ADGRB1: variants seen among roughly 807,000 people sequenced by gnomAD.
ADGRB1 encodes adhesion G protein-coupled receptor B1.
In ADGRB1, 36 loss-of-function variants were observed where a neutral mutation model predicts 175.7. The ratio of observed to expected loss-of-function variants is 0.20; its 90% CI spans 0.16 to 0.27. The LOEUF is 0.27. Among genes scored for constraint, ADGRB1 ranks in the 10% least tolerant of loss-of-function variants. The probability of loss-of-function intolerance (pLI) is 1.00; values close to 1 mark genes in which losing one functional copy is unlikely to be tolerated. For missense variants in ADGRB1, 1,731 were observed against 2,255.3 expected, an observed-to-expected ratio of 0.77 and a Z score of 4.71; for synonymous variants, 1,054 against 979.4, an observed-to-expected ratio of 1.08 and a Z score of -1.42.
In ADGRB1 at chr8:142,488,216, G is replaced by T. The variant is rs898858590; in HGVS notation, c.2309-148G>T. ...CTGGGGGCTGGGGCTGGGGCAGATG[G>T]CCCCCACACTCCTGCCTCTGAGCCA... On this transcript the variant is annotated intron_variant, in intron 13 of 30. Coordinates refer to ENST00000517894, the MANE Select transcript of ADGRB1 (RefSeq NM_001702.3). The T allele has an allele frequency of 5.7e-5, 64 of 1,114,632 alleles. No individual in the cohort carries two copies. In the East Asian group the frequency reaches 1.5e-3, roughly 27 times the overall value. The allele number at this position is 1,114,632 out of a possible 1,614,324, so 69.0% of individuals were successfully genotyped here.
Position 142,533,394 on chromosome 8 carries a change from G to A in ADGRB1, c.3498G>A (p.Gln1166=). ...CCGACCGCCGCTCCGCCCTCTTCCA[G>A]ATCCTCTTCGCTGTCTTCGACTCGC... The part of the protein sequence containing the change: ...AVTDRRSALF[Q]ILFAVFDSLE... Residue 1166 remains glutamine, a synonymous_variant, in exon 25 of 31, where the codon CAG becomes CAA. Coordinates refer to ENST00000517894, the MANE Select transcript of ADGRB1 (RefSeq NM_001702.3). 6.2e-7 allele frequency: 1 copy of A among 1,612,438 alleles called. No homozygotes were observed.
In ADGRB1 at chr8:142,464,465, G is replaced by A; in HGVS notation, c.267G>A (p.Ala89=). 6.3e-7 allele frequency: 1 copy of A among 1,580,072 alleles called. No homozygotes were observed. Residue 89 remains alanine, a synonymous_variant, in exon 2 of 31, where the codon GCG becomes GCA. Transcript: ENST00000517894. ...CTCTCTACATGAAGGTGGCCAAGGC[G>A]CCCGTGCCCTGCAGCGGCCCCGGCC... ...RYTLYMKVAK[A]PVPCSGPGRV...
intron 17 of ADGRB1, among the ~76,000 whole-genome samples, chr8:142,497,586 G>A (rs1563713517): frequency 6.6e-6 from 1 of 152,200 alleles, no homozygotes; most frequent in African/African-American, 2.4e-5. Flanking sequence ...TGATTGAGGA[G>A]GGAGGAGGAG....
intron 23 of ADGRB1, among the ~76,000 whole-genome samples, chr8:142,526,268 G>A (rs1844179292): frequency 6.6e-6 from 1 of 152,182 alleles, no homozygotes; most frequent in Non-Finnish European, 1.5e-5. Flanking sequence ...CCCTGTGGGT[G>A]GGGAGCTCGC....
chr8:142,520,430 T>TG (rs1563735942), intron 19 of ADGRB1, among the ~76,000 whole-genome samples: 4 of 17,144 alleles, frequency 2.3e-4, no homozygotes, highest in Non-Finnish European at 3.8e-4. Flanking sequence ...GTAATGATTG[T>TG]ATGATGATGG....
chr8:142,523,027 G>T (rs968482173), intron 22 of ADGRB1, among the ~76,000 whole-genome samples: 1 of 152,230 alleles, frequency 6.6e-6, no homozygotes, highest in African/African-American at 2.4e-5. Context: ...TCGGTGGGGA[G>T]CCCCCCTCTG....
intron 2 of ADGRB1, among the ~76,000 whole-genome samples, chr8:142,472,939 G>C (rs1332301770): frequency 6.6e-6 from 1 of 152,138 alleles, no homozygotes; most frequent in Non-Finnish European, 1.5e-5. Flanking sequence ...GTCAGGCTTG[G>C]TTTGTGGGGG....
intron 17 of ADGRB1, among the ~76,000 whole-genome samples, chr8:142,502,428 GGTGGTGGT>G (rs1842649444): frequency 7.2e-5 from 3 of 41,498 alleles, no homozygotes; most frequent in Non-Finnish European, 1.8e-4. Flanking sequence ...TGATGGTGGT[GGTGGTGGT>G]AGTGGTGGTG....
chr8:142,543,576 C>A lies in ADGRB1; in HGVS notation c.4450-25C>A, dbSNP rs1472253617. 5.1e-6 allele frequency: 8 copies of A among 1,571,028 alleles called. No individual in the cohort carries two copies. The highest frequency in any genetic ancestry group is 6.0e-6 in the Non-Finnish European group (7 of 1,158,016). ...GCCATGCCCTCCTCCTGGCCCAGGA[C>A]TCACTGCCCAGACCCCGCCTGCAGA... On this transcript the variant is annotated intron_variant, in intron 29 of 30. Transcript: ENST00000517894. This position sits in a 1 kb window ranked among gnomAD's most constrained non-coding sequence, Gnocchi z 4.4.
intron 25 of ADGRB1, among the ~76,000 whole-genome samples, chr8:142,536,582 A>G (rs1419027485): frequency 6.6e-6 from 1 of 152,132 alleles, no homozygotes; most frequent in South Asian, 2.1e-4. Flanking sequence ...CAGGGCAGTG[A>G]GGGCCAGGCT....
At position 142,477,526 on chromosome 8, in the gene ADGRB1, T is replaced by C; in HGVS notation, c.1364T>C (p.Phe455Ser). Reference sequence around the variant, plus strand: ...GAGGGCCCTGAGAAGCAAACCAAGTTCTGCAACATTGCCCTGTGCCCTGGT... The same window carrying C: ...GAGGGCCCTGAGAAGCAAACCAAGTCCTGCAACATTGCCCTGTGCCCTGGT... ...PCEGPEKQTK[F>S]CNIALCPGRA... is the part of the protein sequence containing the mutation. The change falls in exon 6 of 31, where the codon TTC becomes TCC. Residue 455 changes from phenylalanine to serine, a missense_variant. Phe to Ser is a radical substitution (Grantham distance 155). Coordinates refer to ENST00000517894, the MANE Select transcript of ADGRB1 (RefSeq NM_001702.3). 6.2e-7 allele frequency: 1 copy of C among 1,613,032 alleles called. No individual in the cohort carries two copies. Among genetic ancestry groups the C allele is most frequent in the Non-Finnish European group, 8.5e-7 (1 of 1,179,698 alleles).
intron 19 of ADGRB1, among the ~76,000 whole-genome samples, chr8:142,519,026 C>T (rs536890736): frequency 1.3e-5 from 2 of 152,098 alleles, no homozygotes; most frequent in African/African-American, 4.8e-5. Context: ...CGAGCTTTCC[C>T]GGAGACAGTG....
chr8:142,468,504 C>A (rs1042514238), intron 2 of ADGRB1, among the ~76,000 whole-genome samples: 3 of 152,194 alleles, frequency 2.0e-5, no homozygotes, highest in Non-Finnish European at 2.9e-5. Flanking sequence ...GCTCTGTGCC[C>A]AGAAGGCCCT....
chr8:142,461,442 C>G (rs1839963822), intron 1 of ADGRB1, among the ~76,000 whole-genome samples: 1 of 152,240 alleles, frequency 6.6e-6, no homozygotes, highest in Non-Finnish European at 1.5e-5. Flanking sequence ...TTGCGGACAC[C>G]AGCCGCGTCG....
Position 142,542,701 on chromosome 8 carries a change from A to G in ADGRB1, c.4413+54A>G. Reference sequence around the variant, plus strand: ...CAGCCAGCGAGGGCAGGGCTGCAGCAGCTGGGTCACCCCTGCTGGGTGGGA... The same window carrying G: ...CAGCCAGCGAGGGCAGGGCTGCAGCGGCTGGGTCACCCCTGCTGGGTGGGA... On this transcript the variant is annotated intron_variant, in intron 28 of 30. Transcript: ENST00000517894. This position sits in a 1 kb window ranked among gnomAD's most constrained non-coding sequence, Gnocchi z 6.3. 1 of 1,468,338 alleles carries G rather than the reference A, an allele frequency of 6.8e-7. No homozygotes were observed. The highest frequency in any genetic ancestry group is 1.3e-5 in the South Asian group (1 of 77,556). 91.0% of individuals were successfully genotyped at this position (1,468,338 alleles called of 1,614,324 possible). A position where few individuals can be genotyped will look rare whatever the true frequency, so the allele number is the denominator to read the frequency against.
intron 25 of ADGRB1, among the ~76,000 whole-genome samples, chr8:142,534,309 C>T (rs1004648694): frequency 2.0e-5 from 3 of 152,172 alleles, no homozygotes; most frequent in African/African-American, 7.2e-5. Flanking sequence ...CCTTAGGTGG[C>T]GATTTCCATC....
intron 2 of ADGRB1, among the ~76,000 whole-genome samples, chr8:142,468,562 C>A (rs1840411536): frequency 6.6e-6 from 1 of 152,180 alleles, no homozygotes; most frequent in Non-Finnish European, 1.5e-5. Context: ...TAGTAATAGT[C>A]ATTTATTGAG....
intron 17 of ADGRB1, among the ~76,000 whole-genome samples, chr8:142,495,840 G>T: frequency 6.8e-6 from 1 of 147,514 alleles, no homozygotes; most frequent in East Asian, 2.1e-4. Context: ...TGGGGGTTAG[G>T]ACTTGGACAT....
chr8:142,468,169 G>A (rs538513342), intron 2 of ADGRB1, among the ~76,000 whole-genome samples: 3 of 152,246 alleles, frequency 2.0e-5, no homozygotes, highest in African/African-American at 7.2e-5. Flanking sequence ...ATGTGCTCAT[G>A]CATATATGTG....
Sources: allele counts gnomAD v4.1 joint callset (sites outside exome capture counted in the v4.1 genomes callset), GRCh38; gene constraint gnomAD v4.1.1; non-coding constraint Gnocchi (gnomAD v3.1); transcripts MANE v1.5; gene names NCBI Gene and HGNC (gene_info 2026-07-23, HGNC 2026-07-21).